POLR3E: variants seen among roughly 807,000 people sequenced by gnomAD.
The protein encoded by POLR3E is RNA polymerase III subunit E.
A neutral mutation model predicts 96.6 loss-of-function variants in POLR3E; 41 were observed. That is an observed-to-expected ratio of 0.42 (90% CI 0.33 to 0.55). The LOEUF is 0.55. POLR3E is among the 20% of genes least tolerant of loss of function. POLR3E has a pLI of 0.06. For synonymous variants in POLR3E, 396 were observed against 383.6 expected (o/e 1.03, Z -0.38); for missense variants, 849 against 952.1 (o/e 0.89, Z 1.43).
intron 6 of POLR3E, among the ~76,000 whole-genome samples, chr16:22,312,909 T>G (rs2048278428): frequency 1.3e-5 from 2 of 148,760 alleles, no homozygotes; most frequent in South Asian, 2.1e-4. Context: ...AGTAAAGTGC[T>G]TAAGTATTTA....
chr16:22,319,914 A>G (rs960425200), intron 13 of POLR3E, among the ~76,000 whole-genome samples: 1 of 152,036 alleles, frequency 6.6e-6, no homozygotes, highest in Non-Finnish European at 1.5e-5. Context: ...GTCACCCTGT[A>G]GTACCCTTTG....
intron 20 of POLR3E, 56 bp downstream of exon 20, chr16:22,332,241 G>T (rs779986471): frequency 1.4e-4 from 217 of 1,525,626 alleles, no homozygotes; most frequent in Non-Finnish European, 1.9e-4. Flanking sequence ...GGGGCTGACA[G>T]TGTGTAGAAG....
chr16:22,327,161 T>C (rs2048615921), intron 18 of POLR3E: 1 of 152,534 alleles, frequency 6.6e-6, no homozygotes, highest in Non-Finnish European at 1.5e-5. Context: ...AAAGCATTGA[T>C]GTTTTCATTG....
chr16:22,322,044 G>T lies in POLR3E; in HGVS notation c.987-806G>T, dbSNP rs1325016314. Among the ~76,000 whole-genome samples the T allele has an allele frequency of 6.6e-6, 1 of 152,246 alleles. No individual in the cohort carries two copies. Among genetic ancestry groups the T allele is most frequent in the Admixed American group, 6.5e-5 (1 of 15,284 alleles). On this transcript the variant is annotated intron_variant, in intron 13 of 20. Transcript: ENST00000299853. This position sits in a 1 kb window ranked among gnomAD's most constrained non-coding sequence, Gnocchi z 5.2. ...ATGCAGAGATCATGGCATGGACCAG[G>T]TTTGTTTGGTCAGCACACACTTAAT...
chr16:22,329,113 TCAG>T (rs935429081), intron 19 of POLR3E: 1 of 164,768 alleles, frequency 6.1e-6, no homozygotes, highest in Non-Finnish European at 1.3e-5. Context: ...AAACATAGAT[TCAG>T]TTCTGTTCAG....
intron 8 of POLR3E, 89 bp from the exon 9 acceptor site, chr16:22,315,000 A>G (rs746525884): frequency 1.2e-4 from 168 of 1,386,138 alleles, no homozygotes; most frequent in Non-Finnish European, 1.6e-4. Flanking sequence ...CCCTATACGG[A>G]GTTCTCTGGT....
chr16:22,333,880 C>T lies in POLR3E; in HGVS notation c.*180C>T, dbSNP rs1041295106. 2 of 548,820 alleles carry T rather than the reference C, an allele frequency of 3.6e-6. No homozygotes were observed. Among genetic ancestry groups the T allele is most frequent in the African/African-American group, 3.7e-5 (2 of 53,370 alleles). 34.0% of individuals were successfully genotyped at this position (548,820 alleles called of 1,614,324 possible). ...TATCCTCAGCCAGTCGCAGGGTCAG[C>T]TTAAGTTAGTTAGATCACTCCCAGA... On this transcript the variant is annotated 3_prime_UTR_variant, in exon 21 of 21. Coordinates refer to ENST00000299853, the MANE Select transcript of POLR3E (RefSeq NM_018119.4).
chr16:22,316,673 G>T lies in POLR3E; in HGVS notation c.715G>T (p.Val239Phe). ...AAGCGGGGTGGAGAACACGGAGCTC[G>T]TCAAGTCACCCAGGTGGGATGGGCT... ...GSSGVENTEL[V>F]KSPSEYLMML... is the part of the protein sequence containing the mutation. Residue 239 changes from valine (V) to phenylalanine (F), a missense_variant, in exon 10 of 21, where the codon GTC becomes TTC. Coordinates refer to ENST00000299853, the MANE Select transcript of POLR3E (RefSeq NM_018119.4). The T allele has an allele frequency of 6.2e-7, 1 of 1,613,728 alleles. No individual in the cohort carries two copies.
rs2048811413 is a variant in POLR3E at position 22,334,522 on chromosome 16, G to A, written c.*822G>A. 2.0e-5 allele frequency: 3 copies of A among 152,228 alleles called. No individual in the cohort carries two copies. Among genetic ancestry groups the A allele is most frequent in the Non-Finnish European group, 4.4e-5 (3 of 68,036 alleles). The allele number at this position is 152,228 out of a possible 1,614,324, so 9.4% of individuals were successfully genotyped here. Reference sequence around the variant, plus strand: ...GTTACGTGTATCTAGAGGGAACGGAGCTAATGGAGGAAGACAGAGCAGCAC... The same window carrying A: ...GTTACGTGTATCTAGAGGGAACGGAACTAATGGAGGAAGACAGAGCAGCAC... On this transcript the variant is annotated 3_prime_UTR_variant, in exon 21 of 21. Transcript: ENST00000299853.
chr16:22,328,511 T>G lies in POLR3E; in HGVS notation c.1868T>G (p.Phe623Cys). The G allele has an allele frequency of 6.2e-7, 1 of 1,613,840 alleles. No individual in the cohort carries two copies. The change falls in exon 19 of 21, where the codon TTT (phenylalanine) becomes TGT (cysteine). Residue 623 changes from phenylalanine (F) to cysteine (C), a missense_variant and splice_region_variant. By Grantham distance (205) the Phe-to-Cys change is radical (BLOSUM62 -2). Coordinates refer to ENST00000299853, the MANE Select transcript of POLR3E (RefSeq NM_018119.4). Reference protein sequence around the residue: ...AAGCKQILVPFPPQTAASPDE... With the variant: ...AAGCKQILVPCPPQTAASPDE... ...AACTCACCCCTGGGCCTTGGTCAGTTTCCCCCCCAGACTGCTGCTTCCCCG... is the reference window on the plus strand; with the variant it reads ...AACTCACCCCTGGGCCTTGGTCAGTGTCCCCCCCAGACTGCTGCTTCCCCG...
At chr16:22,330,249 A>G (rs972018344) in intron 19 of POLR3E, among the ~76,000 whole-genome samples, 2 of 151,140 alleles carry the variant, frequency 1.3e-5, no homozygotes, top group African/African-American at 4.9e-5. Flanking sequence ...TTTTTAGTAG[A>G]GATCGCGGTG....
chr16:22,325,309 T>G, intron 17 of POLR3E, 43 bp downstream of exon 17: 1 of 1,501,448 alleles, frequency 6.7e-7, no homozygotes. Context: ...GCTCCTACAC[T>G]GTGGCTCCGG....
At position 22,318,588 on chromosome 16, in the gene POLR3E, C is replaced by T. The variant is rs9934294; in HGVS notation, c.866-238C>T. ...TAATAGACCCTTCCTCCTGAGGCAC[C>T]CCTCAAGTCTTCCTTAAGGGGCACT... On this transcript the variant is annotated intron_variant, in intron 12 of 20. Transcript: ENST00000299853. The surrounding 1 kb of genome is among the most constrained non-coding windows in gnomAD (Gnocchi z 5.0). Among the ~76,000 whole-genome samples, 4,570 of 152,252 alleles carry T rather than the reference C, an allele frequency of 0.03. 145 individuals are homozygous for T. Among genetic ancestry groups the T allele is most frequent in the African/African-American group, 0.079 (3,279 of 41,520 alleles).
intron 2 of POLR3E, among the ~76,000 whole-genome samples, chr16:22,304,015 T>C (rs1420706129): frequency 1.3e-5 from 2 of 151,976 alleles, no homozygotes; most frequent in African/African-American, 4.8e-5. Flanking sequence ...TTCACCATGA[T>C]AGCCAGGCTG....
At chr16:22,329,322 A>C (rs572540568) in intron 19 of POLR3E, among the ~76,000 whole-genome samples, 6 of 152,152 alleles carry the variant, frequency 3.9e-5, no homozygotes, top group East Asian at 1.9e-4. Flanking sequence ...GCCTCTAGTC[A>C]TACTGTGATG....
chr16:22,305,068 C>T, intron 2 of POLR3E, 88 bp from the exon 3 acceptor site: 1 of 1,029,272 alleles, frequency 9.7e-7, no homozygotes, highest in Non-Finnish European at 1.5e-6. Context: ...AGCCACTGCC[C>T]TTAACTGAAG....
Position 22,315,150 on chromosome 16 carries a change from T to TC in POLR3E, c.586dup (p.Leu196ProfsTer24). 1.2e-6 allele frequency: 2 copies of TC among 1,612,442 alleles called. No individual in the cohort carries two copies. The highest frequency in any genetic ancestry group is 1.7e-6 in the Non-Finnish European group (2 of 1,179,312). ...CAGCGCCGTGTGCAGTCCTATGAGT[T>TC]CCTGCAGAAGAAGCACGCAGAGGAG... On this transcript the variant is annotated frameshift_variant, in exon 9 of 21. Transcript: ENST00000299853. LOFTEE classifies it high-confidence loss of function.
intron 4 of POLR3E, among the ~76,000 whole-genome samples, chr16:22,308,705 AC>A (rs2048183054): frequency 6.6e-6 from 1 of 152,154 alleles, no homozygotes; most frequent in South Asian, 2.1e-4. Context: ...TAGAGGACAA[AC>A]AAGATTACAG....
rs929250854 is a variant in POLR3E, at chr16:22,333,757, C to T, written c.*57C>T. The T allele has an allele frequency of 2.2e-5, 27 of 1,211,510 alleles. No individual in the cohort carries two copies. The South Asian group carries it at 2.8e-4, about 12-fold the overall frequency. 75.0% of individuals were successfully genotyped at this position (1,211,510 alleles called of 1,614,324 possible). On this transcript the variant is annotated 3_prime_UTR_variant, in exon 21 of 21. Coordinates refer to ENST00000299853, the MANE Select transcript of POLR3E (RefSeq NM_018119.4). ...TAAGCCCAAGGAAGAAGGGCGGAACCAGAAGTAGGGCCTCGACTTGCTTCA... is the reference window on the plus strand; with the variant it reads ...TAAGCCCAAGGAAGAAGGGCGGAACTAGAAGTAGGGCCTCGACTTGCTTCA...
Sources: allele counts gnomAD v4.1 joint callset (sites outside exome capture counted in the v4.1 genomes callset), GRCh38; gene constraint gnomAD v4.1.1; non-coding constraint Gnocchi (gnomAD v3.1); transcripts MANE v1.5; gene names NCBI Gene and HGNC (gene_info 2026-07-23, HGNC 2026-07-21).